The following PHACTR1 variants were observed in gnomAD, a reference collection of about 807,000 sequenced individuals.
The protein encoded by PHACTR1 is RPEL repeat containing 1.
PHACTR1 carries 16 observed loss-of-function variants against 69.2 expected under a neutral mutation model. The observed-to-expected ratio is 0.23, with a 90% CI of 0.16 to 0.35. The LOEUF is 0.35. Among genes scored for constraint, PHACTR1 ranks in the 10% least tolerant of loss-of-function variants. PHACTR1 has a pLI of 1.00. For synonymous variants in PHACTR1, 312 were observed against 284.5 expected (o/e 1.10, Z -0.97); for missense variants, 510 against 734.7 (o/e 0.69, Z 3.54).
intron 5 of PHACTR1, among the ~76,000 whole-genome samples, chr6:13,122,722 G>A (rs1252770628): frequency 6.6e-6 from 1 of 152,176 alleles, no homozygotes; most frequent in East Asian, 1.9e-4. Context: ...GGAAGATACT[G>A]TTAGGTATAA....
intron 4 of PHACTR1, among the ~76,000 whole-genome samples, chr6:12,867,946 T>C (rs2127435419): frequency 6.6e-6 from 1 of 152,224 alleles, no homozygotes; most frequent in Non-Finnish European, 1.5e-5. Context: ...TCCATAGATA[T>C]ATTTGCTGGG....
At chr6:12,764,020 C>T (rs1768329745) in intron 4 of PHACTR1, among the ~76,000 whole-genome samples, 1 of 152,076 alleles carries the variant, frequency 6.6e-6, no homozygotes, top group Non-Finnish European at 1.5e-5. Flanking sequence ...GGTATTCATA[C>T]CAAATTTGTT....
At chr6:13,146,663 G>A (rs1167094411) in intron 5 of PHACTR1, among the ~76,000 whole-genome samples, 3 of 152,198 alleles carry the variant, frequency 2.0e-5, no homozygotes, top group Admixed American at 6.5e-5. Flanking sequence ...GGGATATTAA[G>A]CCGTTCTGGG....
At chr6:12,921,503 AGAAGGAAG>A (rs1246704315) in intron 4 of PHACTR1, among the ~76,000 whole-genome samples, 1 of 120,138 alleles carries the variant, frequency 8.3e-6, no homozygotes, top group African/African-American at 3.5e-5. Context: ...AAGGAAGGAA[AGAAGGAAG>A]GAAGGAAGGG....
chr6:13,246,407 C>G lies in PHACTR1; in HGVS notation c.1391+16214C>G, dbSNP rs1311307891. ...AAATGTGCGAGCGAAAGATGTTTCC[C>G]TACCTGGATGGCTGATGGTTCATTA... On this transcript the variant is annotated intron_variant, in intron 10 of 14. Coordinates refer to ENST00000332995, the MANE Select transcript of PHACTR1 (RefSeq NM_030948.6). The surrounding 1 kb of genome is among the most constrained non-coding windows in gnomAD (Gnocchi z 4.2). 6.6e-6 allele frequency among the ~76,000 whole-genome samples: 1 copy of G among 150,928 alleles called. No homozygotes were observed. Among genetic ancestry groups the G allele is most frequent in the Non-Finnish European group, 1.5e-5 (1 of 67,952 alleles).
chr6:12,928,859 A>G (rs1184709666), intron 4 of PHACTR1, among the ~76,000 whole-genome samples: 2 of 152,190 alleles, frequency 1.3e-5, no homozygotes, highest in Admixed American at 1.3e-4. Context: ...GACTAAAGAA[A>G]GGTAACACTG....
At chr6:12,908,921 T>G (rs1402507667) in intron 4 of PHACTR1, among the ~76,000 whole-genome samples, 1 of 152,176 alleles carries the variant, frequency 6.6e-6, no homozygotes, top group Non-Finnish European at 1.5e-5. Flanking sequence ...AGCCTAGAAA[T>G]GATACCGTCA....
intron 4 of PHACTR1, among the ~76,000 whole-genome samples, chr6:13,043,568 C>G (rs1478190474): frequency 6.6e-6 from 1 of 152,198 alleles, no homozygotes; most frequent in Non-Finnish European, 1.5e-5. Flanking sequence ...TACAGACATG[C>G]CCATTTGGGC....
At chr6:12,846,603 CTT>C (rs1201575233) in intron 4 of PHACTR1, among the ~76,000 whole-genome samples, 1 of 151,990 alleles carries the variant, frequency 6.6e-6, no homozygotes, top group Non-Finnish European at 1.5e-5. Context: ...ACACTTGGCT[CTT>C]ATTGAGCTTT....
intron 4 of PHACTR1, among the ~76,000 whole-genome samples, chr6:12,805,827 C>G (rs907679867): frequency 6.6e-5 from 10 of 152,140 alleles, no homozygotes; most frequent in African/African-American, 2.4e-4. Context: ...TCTCGAACTC[C>G]TGACTTCAGG....
intron 7 of PHACTR1, among the ~76,000 whole-genome samples, chr6:13,203,729 C>G (rs926076718): frequency 3.9e-5 from 6 of 152,080 alleles, no homozygotes; most frequent in African/African-American, 1.4e-4. Flanking sequence ...ATGCAAAAGC[C>G]TAGGGTTATG....
intron 4 of PHACTR1, among the ~76,000 whole-genome samples, chr6:12,961,610 G>A (rs950502819): frequency 2.0e-5 from 3 of 152,222 alleles, no homozygotes; most frequent in African/African-American, 7.2e-5. Context: ...ACCTCCCAAA[G>A]AAGGAATATG....
chr6:12,721,516 A>G (rs1032939610), intron 3 of PHACTR1, among the ~76,000 whole-genome samples: 1 of 152,198 alleles, frequency 6.6e-6, no homozygotes, highest in African/African-American at 2.4e-5. Flanking sequence ...AAATGCAGTG[A>G]TTCATTTCTT....
chr6:12,876,441 C>T (rs1201576946), intron 4 of PHACTR1, among the ~76,000 whole-genome samples: 7 of 152,120 alleles, frequency 4.6e-5, no homozygotes, highest in Admixed American at 1.3e-4. Context: ...TATCCAAGGT[C>T]GCACAGCTAG....
chr6:12,833,789 A>G (rs558277902), intron 4 of PHACTR1, among the ~76,000 whole-genome samples: 1 of 152,162 alleles, frequency 6.6e-6, no homozygotes, highest in African/African-American at 2.4e-5. Flanking sequence ...GCCTCCTACT[A>G]CACTGGAATA....
intron 6 of PHACTR1, among the ~76,000 whole-genome samples, chr6:13,160,930 A>G (rs530280565): frequency 1.3e-5 from 2 of 152,332 alleles, no homozygotes; most frequent in East Asian, 3.9e-4. Context: ...TACATGGCAT[A>G]TGAAGTATCC....
At chr6:13,198,100 A>G (rs1764686263) in intron 7 of PHACTR1, among the ~76,000 whole-genome samples, 2 of 152,236 alleles carry the variant, frequency 1.3e-5, no homozygotes, top group African/African-American at 4.8e-5. Context: ...CCCTGAAGAC[A>G]TGATGAAAAG....
chr6:12,908,117 T>C (rs1785951541), intron 4 of PHACTR1, among the ~76,000 whole-genome samples: 1 of 152,198 alleles, frequency 6.6e-6, no homozygotes, highest in African/African-American at 2.4e-5. Context: ...TTCTTCTTTA[T>C]ATTGATCTAA....
At chr6:13,277,502 C>T (rs951388754) in intron 11 of PHACTR1, among the ~76,000 whole-genome samples, 2 of 152,180 alleles carry the variant, frequency 1.3e-5, no homozygotes, top group African/African-American at 4.8e-5. Context: ...GCTCTCTCTA[C>T]ACCCACAGGG....
Sources: gnomAD v4.1 joint callset for allele counts (sites outside exome capture counted in the v4.1 genomes callset) on GRCh38, gnomAD v4.1.1 for gene constraint, Gnocchi (gnomAD v3.1) non-coding constraint, MANE v1.5 for transcripts, NCBI Gene and HGNC (gene_info 2026-07-23, HGNC 2026-07-21) for gene names.